RCOR1: variants seen among roughly 807,000 people sequenced by gnomAD.
The protein encoded by RCOR1 is REST corepressor 1.
A neutral mutation model predicts 64.0 loss-of-function variants in RCOR1; 12 were observed. The observed-to-expected ratio is 0.19, with a 90% CI of 0.12 to 0.30. RCOR1 has a LOEUF of 0.30. Among genes scored for constraint, RCOR1 ranks in the 10% least tolerant of loss-of-function variants. The probability of loss-of-function intolerance (pLI) is 1.00; values close to 1 mark genes in which losing one functional copy is unlikely to be tolerated. For synonymous variants in RCOR1, 279 were observed against 227.2 expected, an observed-to-expected ratio of 1.23 and a Z score of -2.05; for missense variants, 502 against 621.2, an observed-to-expected ratio of 0.81 and a Z score of 2.04.
chr14:102,647,405 C>T (rs1182952240), intron 2 of RCOR1, among the ~76,000 whole-genome samples: 1 of 151,722 alleles, frequency 6.6e-6, no homozygotes, highest in Non-Finnish European at 1.5e-5. Flanking sequence ...CACCCTCCGC[C>T]TCCTGGGTTC....
At chr14:102,615,342 A>G (rs1893736427) in intron 2 of RCOR1, among the ~76,000 whole-genome samples, 1 of 150,368 alleles carries the variant, frequency 6.7e-6, no homozygotes, top group Non-Finnish European at 1.5e-5. Context: ...GGGTTTCACC[A>G]TGTTGTCCCA....
chr14:102,596,025 G>GT (rs1893235373), intron 2 of RCOR1, among the ~76,000 whole-genome samples: 1 of 152,074 alleles, frequency 6.6e-6, no homozygotes, highest in Non-Finnish European at 1.5e-5. Context: ...TTTCCTAGTG[G>GT]TTTTTTATGT....
At chr14:102,688,214 C>T (rs1895461187) in intron 3 of RCOR1, among the ~76,000 whole-genome samples, 1 of 152,154 alleles carries the variant, frequency 6.6e-6, no homozygotes, top group Non-Finnish European at 1.5e-5. Context: ...GATCCTCCTG[C>T]CTTGGTCTCC....
chr14:102,604,845 G>A (rs1233343467), intron 2 of RCOR1, among the ~76,000 whole-genome samples: 2 of 152,072 alleles, frequency 1.3e-5, no homozygotes, highest in Non-Finnish European at 2.9e-5. Flanking sequence ...CACTTTGGGA[G>A]GCTGAGGCAG....
intron 2 of RCOR1, among the ~76,000 whole-genome samples, chr14:102,594,538 A>T (rs1211793473): frequency 6.6e-6 from 1 of 152,232 alleles, no homozygotes; most frequent in Non-Finnish European, 1.5e-5. Context: ...ATGACTTCCT[A>T]AATTGGCCTT....
chr14:102,598,359 A>G (rs1893309554), intron 2 of RCOR1, among the ~76,000 whole-genome samples: 1 of 152,130 alleles, frequency 6.6e-6, no homozygotes, highest in Admixed American at 6.6e-5. Flanking sequence ...TTTCCTATGC[A>G]GTTCAAAGGA....
intron 7 of RCOR1, among the ~76,000 whole-genome samples, chr14:102,711,774 T>A (rs1595242029): frequency 6.6e-6 from 1 of 152,250 alleles, no homozygotes; most frequent in African/African-American, 2.4e-5. Flanking sequence ...ATCAGTAATA[T>A]ATGTTTCTTA....
chr14:102,633,700 C>T (rs747334432), intron 2 of RCOR1, among the ~76,000 whole-genome samples: 28 of 152,174 alleles, frequency 1.8e-4, no homozygotes, highest in South Asian at 1.2e-3. Flanking sequence ...CCAACACGCC[C>T]GGCTAACTTT....
chr14:102,725,811 T>C (rs1026213636), intron 11 of RCOR1, among the ~76,000 whole-genome samples: 1 of 152,044 alleles, frequency 6.6e-6, no homozygotes, highest in African/African-American at 2.4e-5. Context: ...CATCAAGTGA[T>C]CCACCTGCCT....
intron 2 of RCOR1, among the ~76,000 whole-genome samples, chr14:102,607,708 C>T (rs1893541778): frequency 6.6e-6 from 1 of 152,146 alleles, no homozygotes; most frequent in African/African-American, 2.4e-5. Context: ...ATGGTAAAAC[C>T]CCATATCTAC....
chr14:102,711,400 C>T (rs985211462), intron 7 of RCOR1, among the ~76,000 whole-genome samples: 9 of 152,218 alleles, frequency 5.9e-5, no homozygotes, highest in African/African-American at 2.2e-4. Context: ...CATGCCGTGC[C>T]TGGGGTGACT....
chr14:102,707,561 C>G, intron 5 of RCOR1, 49 bp downstream of exon 5: 2 of 1,440,864 alleles, frequency 1.4e-6, no homozygotes, highest in South Asian at 1.3e-5. Context: ...CTATCTAACT[C>G]TCTTTTGCAG....
At chr14:102,593,418 T>A in intron 2 of RCOR1, 93 bp downstream of exon 2, 2 of 1,323,968 alleles carry the variant, frequency 1.5e-6, no homozygotes, top group Non-Finnish European at 2.0e-6. Flanking sequence ...CCGACAACTT[T>A]CTTTTTGTGC....
chr14:102,726,849 G>A lies in RCOR1; in HGVS notation c.*343G>A. 3.3e-6 allele frequency: 1 copy of A among 307,200 alleles called. No homozygotes were observed. Among genetic ancestry groups the A allele is most frequent in the South Asian group, 5.8e-5 (1 of 17,332 alleles). The allele number at this position is 307,200 out of a possible 1,614,324, so 19.0% of individuals were successfully genotyped here. A position where few individuals can be genotyped will look rare whatever the true frequency, so the allele number is the denominator to read the frequency against. ...CTTCCCAGTCAGCAGCTTCAGAGCA[G>A]GCAGTCTCCTTGGAAGGCCCGACTC... is the stretch of plus-strand genomic sequence containing the variant. On this transcript the variant is annotated 3_prime_UTR_variant, in exon 12 of 12. Coordinates refer to ENST00000262241, the MANE Select transcript of RCOR1 (RefSeq NM_015156.4).
intron 2 of RCOR1, among the ~76,000 whole-genome samples, chr14:102,664,439 T>C (rs915303176): frequency 1.3e-5 from 2 of 152,180 alleles, no homozygotes; most frequent in Non-Finnish European, 2.9e-5. Flanking sequence ...AGGGAAATTA[T>C]TCATTTATTT....
chr14:102,683,193 A>C (rs1187415742), intron 3 of RCOR1, among the ~76,000 whole-genome samples: 1 of 152,164 alleles, frequency 6.6e-6, no homozygotes, highest in Non-Finnish European at 1.5e-5. Flanking sequence ...CAATCGTTTT[A>C]AGTTTAAAGT....
chr14:102,630,149 T>C (rs543442446), intron 2 of RCOR1: 3 of 206,684 alleles, frequency 1.5e-5, no homozygotes, highest in Admixed American at 6.5e-5. Flanking sequence ...GGAACCCTCA[T>C]AAATAGATTA....
intron 2 of RCOR1, among the ~76,000 whole-genome samples, chr14:102,611,884 T>G (rs906907992): frequency 1.3e-5 from 2 of 152,154 alleles, no homozygotes; most frequent in Non-Finnish European, 2.9e-5. Flanking sequence ...CAGGCTGGAG[T>G]GCAGTTTTGT....
intron 8 of RCOR1, among the ~76,000 whole-genome samples, chr14:102,717,672 A>T (rs1184847075): frequency 6.6e-6 from 1 of 152,110 alleles, no homozygotes; most frequent in Admixed American, 6.5e-5. Flanking sequence ...CCCTCTGCTG[A>T]GTGAGCTCCT....
Sources: gnomAD v4.1 joint callset for allele counts (sites outside exome capture counted in the v4.1 genomes callset) on GRCh38, gnomAD v4.1.1 for gene constraint, MANE v1.5 for transcripts, NCBI Gene and HGNC (gene_info 2026-07-23, HGNC 2026-07-21) for gene names.